The following NKAIN3 variants were observed in gnomAD, a reference collection of about 807,000 sequenced individuals.
NKAIN3 encodes sodium/potassium transporting ATPase interacting 3.
A neutral mutation model predicts 30.2 loss-of-function variants in NKAIN3; 25 were observed. That is an observed-to-expected ratio of 0.83 (90% CI 0.60 to 1.16). The LOEUF is 1.16. Ranked by LOEUF, NKAIN3 falls within the 50% of genes most tolerant of loss-of-function variation. The pLI is 0.00. For synonymous variants in NKAIN3, 91 were observed against 89.6 expected, an observed-to-expected ratio of 1.02 and a Z score of -0.09; for missense variants, 225 against 254.1, an observed-to-expected ratio of 0.89 and a Z score of 0.78.
intron 1 of NKAIN3, among the ~76,000 whole-genome samples, chr8:62,327,382 G>T (rs1043576195): frequency 6.6e-6 from 1 of 151,968 alleles, no homozygotes; most frequent in African/African-American, 2.4e-5. Context: ...TATTCAAGAA[G>T]TAATTTCCAA....
intron 3 of NKAIN3, among the ~76,000 whole-genome samples, chr8:62,739,277 A>AT (rs1273372890): frequency 0.022 from 3,342 of 151,794 alleles, 40 homozygotes; most frequent in Non-Finnish European, 0.026. Flanking sequence ...GAAAAAAAAA[A>AT]ATATATATAT....
chr8:62,669,795 G>C (rs748940131), intron 3 of NKAIN3, among the ~76,000 whole-genome samples: 51 of 152,160 alleles, frequency 3.4e-4, no homozygotes, highest in Non-Finnish European at 4.9e-4. Context: ...GATACTGCAT[G>C]AGTGCATTAC....
intron 4 of NKAIN3, among the ~76,000 whole-genome samples, chr8:62,913,518 A>G (rs536484058): frequency 3.9e-5 from 6 of 152,350 alleles, no homozygotes; most frequent in African/African-American, 1.2e-4. Context: ...ACTATAATGC[A>G]GTTAGCAGTG....
At chr8:62,552,479 T>C (rs1809247909) in intron 1 of NKAIN3, among the ~76,000 whole-genome samples, 1 of 152,236 alleles carries the variant, frequency 6.6e-6, no homozygotes, top group African/African-American at 2.4e-5. Flanking sequence ...CCTGTTGTTA[T>C]GGATGTCACT....
chr8:62,662,835 T>C (rs1277095314), intron 3 of NKAIN3, among the ~76,000 whole-genome samples: 1 of 152,246 alleles, frequency 6.6e-6, no homozygotes, highest in Non-Finnish European at 1.5e-5. Flanking sequence ...GAGTAAACAC[T>C]GTCCCTCTCT....
At chr8:62,989,280 GT>G (rs1563656762), downstream of NKAIN3, among the ~76,000 whole-genome samples, 1 of 152,146 alleles carries the variant, frequency 6.6e-6, no homozygotes, top group African/African-American at 2.4e-5. Context: ...CCAATTTACT[GT>G]TTTAGTCTGT....
At chr8:62,320,495 G>A (rs925453777) in intron 1 of NKAIN3, among the ~76,000 whole-genome samples, 5 of 152,050 alleles carry the variant, frequency 3.3e-5, no homozygotes, top group African/African-American at 1.2e-4. Flanking sequence ...CATGTTTAGT[G>A]CTTCCTTCAG....
chr8:62,476,641 G>A (rs538921380), intron 1 of NKAIN3, among the ~76,000 whole-genome samples: 1 of 152,004 alleles, frequency 6.6e-6, no homozygotes. Flanking sequence ...ATTTTTAATA[G>A]AGACAGGGTT....
intron 3 of NKAIN3, among the ~76,000 whole-genome samples, chr8:62,745,506 A>G (rs1816041697): frequency 1.3e-5 from 2 of 152,064 alleles, no homozygotes; most frequent in South Asian, 2.1e-4. Context: ...CTTCTACCCA[A>G]TCTACATGGG....
intron 1 of NKAIN3, among the ~76,000 whole-genome samples, chr8:62,412,473 T>C (rs1036103243): frequency 2.6e-5 from 4 of 152,072 alleles, no homozygotes; most frequent in Admixed American, 2.0e-4. Context: ...GACCTCAAAC[T>C]ATAAAAATTC....
intron 3 of NKAIN3, among the ~76,000 whole-genome samples, chr8:62,640,334 G>A (rs1033580552): frequency 3.3e-5 from 5 of 151,992 alleles, no homozygotes; most frequent in African/African-American, 1.2e-4. Context: ...GGTTTTATAA[G>A]GGGCTCTTCC....
chr8:62,553,385 C>T (rs1461030395), intron 1 of NKAIN3, among the ~76,000 whole-genome samples: 1 of 152,036 alleles, frequency 6.6e-6, no homozygotes, highest in Non-Finnish European at 1.5e-5. Flanking sequence ...AATATGCAAA[C>T]CATTGTTACA....
At chr8:62,648,863 A>G (rs1052248332) in intron 3 of NKAIN3, among the ~76,000 whole-genome samples, 1 of 152,136 alleles carries the variant, frequency 6.6e-6, no homozygotes, top group Non-Finnish European at 1.5e-5. Flanking sequence ...AGGCCTTGCC[A>G]CAGGTCAGTC....
intron 4 of NKAIN3, among the ~76,000 whole-genome samples, chr8:62,782,745 T>C (rs961308834): frequency 6.7e-6 from 1 of 149,460 alleles, no homozygotes; most frequent in African/African-American, 2.5e-5. Flanking sequence ...CTTGGTCACA[T>C]GGACACAGAG....
intron 6 of NKAIN3, among the ~76,000 whole-genome samples, chr8:62,960,861 C>T (rs780087891): frequency 2.0e-5 from 3 of 152,008 alleles, no homozygotes; most frequent in Admixed American, 6.6e-5. Flanking sequence ...TAACTACTAA[C>T]ATATCTACAA....
At position 62,276,146 on chromosome 8, in the gene NKAIN3, A is replaced by T. The variant is rs369220291; in HGVS notation, c.54+27019A>T. On this transcript the variant is annotated intron_variant, in intron 1 of 6. Coordinates refer to ENST00000623646, the MANE Select transcript of NKAIN3 (RefSeq NM_001304533.3). ...AGTGGTGCGATCTCAGCTCACTGCA[A>T]CCTCCGCCTCCTGGGCTCACGCGAT... is the stretch of plus-strand genomic sequence containing the variant. Among the ~76,000 whole-genome samples the T allele has an allele frequency of 2.1e-4, 32 of 152,128 alleles. 1 individual carries two copies. The South Asian group carries it at 6.7e-3, about 32-fold the overall frequency.
chr8:62,556,172 T>A (rs1356794948), intron 1 of NKAIN3, among the ~76,000 whole-genome samples: 1 of 152,020 alleles, frequency 6.6e-6, no homozygotes, highest in Non-Finnish European at 1.5e-5. Context: ...ATAATATTAA[T>A]AATGTCAATA....
rs1202475658 is a variant in NKAIN3 at position 62,973,561 on chromosome 8, T to C, written c.*8154T>C. Among the ~76,000 whole-genome samples the C allele has an allele frequency of 6.6e-6, 1 of 152,214 alleles. No individual in the cohort carries two copies. The highest frequency in any genetic ancestry group is 1.5e-5 in the Non-Finnish European group (1 of 68,032). On this transcript the variant is annotated 3_prime_UTR_variant, in exon 7 of 7. Coordinates refer to ENST00000623646, the MANE Select transcript of NKAIN3 (RefSeq NM_001304533.3). ...TTAAGTTCCTTGTAGATTCTGGATA[T>C]TAGCCCTTTGTCAGATGGATAGGTT... is the stretch of plus-strand genomic sequence containing the variant.
At chr8:62,535,566 C>G (rs1808632849) in intron 1 of NKAIN3, among the ~76,000 whole-genome samples, 1 of 152,160 alleles carries the variant, frequency 6.6e-6, no homozygotes, top group Non-Finnish European at 1.5e-5. Context: ...TCTGGAGTGG[C>G]TCACAGAACT....
Sources: allele counts gnomAD v4.1 joint callset (sites outside exome capture counted in the v4.1 genomes callset), GRCh38; gene constraint gnomAD v4.1.1; transcripts MANE v1.5; gene names NCBI Gene and HGNC (gene_info 2026-07-23, HGNC 2026-07-21).